The following DSG1 variants were observed in gnomAD, a reference collection of about 807,000 sequenced individuals.
The protein encoded by DSG1 is desmoglein-1.
A neutral mutation model predicts 97.5 loss-of-function variants in DSG1; 39 were observed. That is an observed-to-expected ratio of 0.40 (90% CI 0.31 to 0.52). DSG1 has a LOEUF of 0.52. DSG1 is among the 20% of genes least tolerant of loss of function. The pLI, the probability that DSG1 is intolerant of heterozygous loss-of-function variation, is 0.53. For missense variants in DSG1, 1,311 were observed against 1,295.4 expected, an observed-to-expected ratio of 1.01 and a Z score of -0.18; for synonymous variants, 475 against 443.4, an observed-to-expected ratio of 1.07 and a Z score of -0.90.
intron 1 of DSG1, among the ~76,000 whole-genome samples, chr18:31,325,541 C>T (rs1250660770): frequency 1.3e-5 from 2 of 152,140 alleles, no homozygotes; most frequent in Non-Finnish European, 2.9e-5. Context: ...CAGTTCTGCA[C>T]CCAAGATGGG....
chr18:31,358,155 G>A lies in DSG1; in HGVS notation c.*2809G>A, dbSNP rs975568227. 2.0e-5 allele frequency among the ~76,000 whole-genome samples: 3 copies of A among 151,936 alleles called. No homozygotes were observed. Among genetic ancestry groups the A allele is most frequent in the African/African-American group, 7.2e-5 (3 of 41,418 alleles). ...GAAATAGTAATTTAATACTATGTAT[G>A]TATGGTTTGAAAACAAACCACAATG... is the stretch of plus-strand genomic sequence containing the variant. On this transcript the variant is annotated 3_prime_UTR_variant, in exon 15 of 15. Transcript: ENST00000257192.
chr18:31,320,053 G>T (rs1422817727), intron 1 of DSG1, among the ~76,000 whole-genome samples: 1 of 152,054 alleles, frequency 6.6e-6, no homozygotes, highest in African/African-American at 2.4e-5. Context: ...TCATTTTCAC[G>T]TTGACATCAT....
At chr18:31,347,444 C>A (rs58163687) in intron 14 of DSG1, among the ~76,000 whole-genome samples, 6,045 of 152,166 alleles carry the variant, frequency 0.04, 411 homozygotes, top group African/African-American at 0.14. Flanking sequence ...GTCTCACTCA[C>A]CCAAAATGTA....
Position 31,354,727 on chromosome 18 carries a change from C to A in DSG1, c.2531C>A (p.Ser844Tyr). The part of the protein sequence containing the change: ...NVTVTESYTT[S>Y]DTLKPSVHVH... ...ACTGTGACCGAGTCTTACACCACCTCTGACACTCTGAAGCCCTCTGTGCAC... is the reference window on the plus strand; with the variant it reads ...ACTGTGACCGAGTCTTACACCACCTATGACACTCTGAAGCCCTCTGTGCAC... Residue 844 changes from serine (S) to tyrosine (Y), a missense_variant, in exon 15 of 15, where the codon TCT (serine) becomes TAT (tyrosine). Physicochemically the swap from Ser to Tyr is moderately radical, Grantham distance 144. Coordinates refer to ENST00000257192, the MANE Select transcript of DSG1 (RefSeq NM_001942.4). The A allele has an allele frequency of 1.2e-6, 2 of 1,614,142 alleles. No individual in the cohort carries two copies. The highest frequency in any genetic ancestry group is 1.7e-6 in the Non-Finnish European group (2 of 1,180,024).
Position 31,353,492 on chromosome 18 carries a change from C to T in DSG1, c.2101-805C>T, listed in dbSNP as rs548026378. Among the ~76,000 whole-genome samples, 610 of 152,260 alleles carry T rather than the reference C, an allele frequency of 4.0e-3. 7 individuals carry two copies. Among genetic ancestry groups the T allele is most frequent in the African/African-American group, 0.013 (529 of 41,546 alleles). On this transcript the variant is annotated intron_variant, in intron 14 of 14. Transcript: ENST00000257192. The stretch of plus-strand genomic sequence containing the variant: ...GCAGGCCTCCTTGAGCTGTGGTGGG[C>T]TCCACCCAGTTCGAGCTTCCTGTCT...
chr18:31,334,641 C>A lies in DSG1; in HGVS notation c.1005+439C>A, dbSNP rs541919215. Among the ~76,000 whole-genome samples, 3 of 152,090 alleles carry A rather than the reference C, an allele frequency of 2.0e-5. No individual in the cohort carries two copies. The South Asian group carries it at 6.2e-4, about 32-fold the overall frequency. Reference sequence around the variant, plus strand: ...TAAATAAAAATGTATTTATTCCTCCCGCGTGTTTTCATAAAATTTAAGTTA... The same window carrying A: ...TAAATAAAAATGTATTTATTCCTCCAGCGTGTTTTCATAAAATTTAAGTTA... On this transcript the variant is annotated intron_variant, in intron 8 of 14. Coordinates refer to ENST00000257192, the MANE Select transcript of DSG1 (RefSeq NM_001942.4).
intron 1 of DSG1, among the ~76,000 whole-genome samples, chr18:31,321,203 T>C (rs547787858): frequency 3.7e-4 from 56 of 151,930 alleles, no homozygotes; most frequent in Non-Finnish European, 5.6e-4. Flanking sequence ...TTTTTAAGAG[T>C]ACTTTCATCA....
chr18:31,346,264 C>T (rs2071835091), intron 14 of DSG1, 66 bp downstream of exon 14: 1 of 1,354,112 alleles, frequency 7.4e-7, no homozygotes, highest in African/African-American at 1.4e-5. Context: ...CAAGCTTTCA[C>T]TAATTCCTAA....
At position 31,354,492 on chromosome 18, in the gene DSG1, G is replaced by A. The variant is rs267605155; in HGVS notation, c.2296G>A (p.Glu766Lys). 1 of 1,614,130 alleles carries A rather than the reference G, an allele frequency of 6.2e-7. No individual in the cohort carries two copies. The highest frequency in any genetic ancestry group is 1.3e-5 in the African/African-American group (1 of 75,026). The change falls in exon 15 of 15, where the codon GAA becomes AAA. Residue 766 changes from glutamate (E) to lysine (K), a missense_variant. Transcript: ENST00000257192. ...GTTGGCAGACATCAGCCTAGGAAAA[G>A]AATCATATCCAGACCTTGATCCTTC... ...KKLADISLGK[E>K]SYPDLDPSWP...
At chr18:31,343,891 C>A in intron 12 of DSG1, 35 bp from the exon 13 acceptor site, 2 of 1,516,022 alleles carry the variant, frequency 1.3e-6, no homozygotes, top group South Asian at 1.1e-5. Context: ...AGTCATTGGT[C>A]ACTACAAATG....
At chr18:31,327,790 T>G (rs1375533037) in intron 3 of DSG1, among the ~76,000 whole-genome samples, 1 of 152,200 alleles carries the variant, frequency 6.6e-6, no homozygotes, top group African/African-American at 2.4e-5. Context: ...TAAAGTTGCA[T>G]GATGACAACA....
At chr18:31,353,057 A>T (rs2071914084) in intron 14 of DSG1, among the ~76,000 whole-genome samples, 4 of 146,940 alleles carry the variant, frequency 2.7e-5, no homozygotes, top group Admixed American at 6.8e-5. Flanking sequence ...TGCTTTTTAG[A>T]GTTTCCAGTT....
chr18:31,337,929 C>A (rs16961679), intron 9 of DSG1, among the ~76,000 whole-genome samples: 8,495 of 152,246 alleles, frequency 0.056, 291 homozygotes, highest in African/African-American at 0.093. Context: ...GATGAAGTAA[C>A]TTCTTTGTAA....
At chr18:31,323,129 A>T (rs1199209258) in intron 1 of DSG1, among the ~76,000 whole-genome samples, 1 of 152,126 alleles carries the variant, frequency 6.6e-6, no homozygotes, top group Non-Finnish European at 1.5e-5. Flanking sequence ...TTAATGACTT[A>T]CCCCAAAGTC....
chr18:31,334,178 T>C lies in DSG1; in HGVS notation c.981T>C (p.Asn327=), dbSNP rs2071738013. The change falls in exon 8 of 15, where the codon AAT becomes AAC. Residue 327 remains asparagine, a synonymous_variant. Coordinates refer to ENST00000257192, the MANE Select transcript of DSG1 (RefSeq NM_001942.4). ...WFEIEMNERT[N]VGILKVVKPL... ...AGATAGAAATGAATGAAAGAACAAA[T>C]GTGGGAATTTTAAAGGTTGTTAAGG... 1.2e-6 allele frequency: 2 copies of C among 1,604,736 alleles called. No individual in the cohort carries two copies. The highest frequency in any genetic ancestry group is 2.2e-5 in the South Asian group (2 of 90,810).
At position 31,354,962 on chromosome 18, in the gene DSG1, G is replaced by A; in HGVS notation, c.2766G>A (p.Val922=). The change falls in exon 15 of 15, where the codon GTG becomes GTA. Residue 922 remains valine (V), a synonymous_variant. Coordinates refer to ENST00000257192, the MANE Select transcript of DSG1 (RefSeq NM_001942.4). ...CTAGAGAGTCTTCAAATGTGGTAGT[G>A]ACAGAAAGAGTAATCCAACCAACTT... ...HHPRESSNVV[V]TERVIQPTSG... The A allele has an allele frequency of 1.9e-6, 3 of 1,614,186 alleles. No individual in the cohort carries two copies. Among genetic ancestry groups the A allele is most frequent in the Non-Finnish European group, 1.7e-6 (2 of 1,180,032 alleles).
chr18:31,354,279 T>C lies in DSG1; in HGVS notation c.2101-18T>C. The stretch of plus-strand genomic sequence containing the variant: ...TATGCATTCATAATTTCATTTTCTC[T>C]TTCTCCTATAAATTCAGAAAGCATA... On this transcript the variant is annotated intron_variant, in intron 14 of 14. Transcript: ENST00000257192. 6.2e-6 allele frequency: 10 copies of C among 1,608,610 alleles called. No homozygotes were observed. Among genetic ancestry groups the C allele is most frequent in the African/African-American group, 1.3e-5 (1 of 74,922 alleles).
chr18:31,337,765 T>C lies in DSG1; in HGVS notation c.1266-550T>C, dbSNP rs552946961. Reference sequence around the variant, plus strand: ...TAACCAGTGTTTGTTTCACAAATAATAGATGAGAAGAAAAACACCGAAGTC... The same window carrying C: ...TAACCAGTGTTTGTTTCACAAATAACAGATGAGAAGAAAAACACCGAAGTC... On this transcript the variant is annotated intron_variant, in intron 9 of 14. Transcript: ENST00000257192. Among the ~76,000 whole-genome samples the C allele has an allele frequency of 5.3e-5, 8 of 152,204 alleles. No homozygotes were observed. In the South Asian group the frequency reaches 1.7e-3, roughly 32 times the overall value.
In DSG1 at chr18:31,343,959, G is replaced by C. The variant is rs1418969067; in HGVS notation, c.1855G>C (p.Asp619His). 3 of 1,613,150 alleles carry C rather than the reference G, an allele frequency of 1.9e-6. No individual in the cohort carries two copies. Among genetic ancestry groups the C allele is most frequent in the Non-Finnish European group, 2.5e-6 (3 of 1,179,480 alleles). Residue 619 changes from aspartate (D) to histidine (H), a missense_variant, in exon 13 of 15, where the codon GAT becomes CAT. Asp to His is a moderately conservative substitution (Grantham distance 81). Around this residue, in one of 3 missense-constraint regions of DSG1, gnomAD observed 1,038 missense variants for 964.6 expected, o/e 1.08. Coordinates refer to ENST00000257192, the MANE Select transcript of DSG1 (RefSeq NM_001942.4). ...ITTVIPQIPPDNANIIECIDN... is the reference protein window; with the variant it reads ...ITTVIPQIPPHNANIIECIDN... ...CACTGTCATACCACAAATACCACCTGATAACGCAAATATAATTGAATGCAT... is the reference window on the plus strand; with the variant it reads ...CACTGTCATACCACAAATACCACCTCATAACGCAAATATAATTGAATGCAT...
Sources: gnomAD v4.1 joint callset for allele counts (sites outside exome capture counted in the v4.1 genomes callset) on GRCh38, gnomAD v4.1.1 for gene constraint, gnomAD v4.1.1 regional missense constraint, MANE v1.5 for transcripts, NCBI Gene and HGNC (gene_info 2026-07-23, HGNC 2026-07-21) for gene names.